JARID2: variants seen among roughly 807,000 people sequenced by gnomAD.
The protein encoded by JARID2 is protein Jumonji.
JARID2 carries 21 observed loss-of-function variants against 125.6 expected under a neutral mutation model. That is an observed-to-expected ratio of 0.17 (90% CI 0.12 to 0.24). JARID2 has a LOEUF of 0.24. Ranked by LOEUF, JARID2 falls within the 10% of genes least tolerant of loss-of-function variation. JARID2 has a pLI of 1.00. For missense variants in JARID2, 1,303 were observed against 1,639.6 expected (o/e 0.79, Z 3.55); for synonymous variants, 736 against 661.6 (o/e 1.11, Z -1.73).
intron 1 of JARID2, among the ~76,000 whole-genome samples, chr6:15,337,637 C>G (rs1240207590): frequency 1.3e-5 from 2 of 152,216 alleles, no homozygotes; most frequent in East Asian, 3.9e-4. Context: ...GGGGGGTCCA[C>G]TTGCACTAAG....
intron 1 of JARID2, among the ~76,000 whole-genome samples, chr6:15,256,515 T>C (rs899330801): frequency 6.6e-6 from 1 of 152,246 alleles, no homozygotes; most frequent in African/African-American, 2.4e-5. Flanking sequence ...AGTGGCTCTC[T>C]GGTCCTCAGG....
At chr6:15,375,688 G>A (rs13192347) in intron 2 of JARID2, among the ~76,000 whole-genome samples, 13,393 of 152,240 alleles carry the variant, frequency 0.088, 762 homozygotes, top group South Asian at 0.16. Flanking sequence ...CGTGTTTATT[G>A]TCATTGATTC....
chr6:15,295,222 C>T lies in JARID2; in HGVS notation c.45+48638C>T, dbSNP rs1037719567. Among the ~76,000 whole-genome samples the T allele has an allele frequency of 6.6e-5, 10 of 150,498 alleles. 1 individual carries two copies. The highest frequency in any genetic ancestry group is 4.2e-4 in the South Asian group (2 of 4,778). ...CTGCAAGCTCCGCTTCCTGGGTTCA[C>T]GCCATTCTCCTGCCTCAGCCTCCCA... On this transcript the variant is annotated intron_variant, in intron 1 of 17. Transcript: ENST00000341776.
At position 15,512,198 on chromosome 6, in the gene JARID2, G is replaced by A. The variant is rs1771313519; in HGVS notation, c.2953-10G>A. 2 of 1,611,888 alleles carry A rather than the reference G, an allele frequency of 1.2e-6. No homozygotes were observed. Among genetic ancestry groups the A allele is most frequent in the East Asian group, 4.5e-5 (2 of 44,832 alleles). ...GGGAGGGGTGCCTCAGCCTGGCCCT[G>A]TCTCCCCAGATCTCCCCGGAGGTGC... On this transcript the variant is annotated splice_polypyrimidine_tract_variant and intron_variant, in intron 13 of 17. Transcript: ENST00000341776.
At chr6:15,435,274 A>T (rs576046266) in intron 3 of JARID2, among the ~76,000 whole-genome samples, 2 of 152,334 alleles carry the variant, frequency 1.3e-5, no homozygotes, top group South Asian at 4.1e-4. Context: ...TTTGCTACAT[A>T]CCTTAGGGTA....
chr6:15,272,315 A>G (rs1321063998), intron 1 of JARID2, among the ~76,000 whole-genome samples: 5 of 152,178 alleles, frequency 3.3e-5, no homozygotes, highest in African/African-American at 4.8e-5. Context: ...TAGTGTTATC[A>G]TGTACTTCCC....
chr6:15,412,258 A>C (rs1765909532), intron 3 of JARID2, among the ~76,000 whole-genome samples: 1 of 152,004 alleles, frequency 6.6e-6, no homozygotes, highest in Non-Finnish European at 1.5e-5. Context: ...TTATAGGAGG[A>C]AGATTTTGTA....
intron 3 of JARID2, among the ~76,000 whole-genome samples, chr6:15,451,724 A>T (rs1210332167): frequency 1.3e-5 from 2 of 152,220 alleles, no homozygotes; most frequent in Non-Finnish European, 2.9e-5. Context: ...TCAGGCAAAC[A>T]TAGTGTGTAC....
intron 1 of JARID2, among the ~76,000 whole-genome samples, chr6:15,247,226 A>T (rs1450952546): frequency 3.3e-5 from 5 of 152,238 alleles, no homozygotes. Flanking sequence ...AAGGACACAC[A>T]CTATGGCTAA....
chr6:15,442,365 GATAATTT>G (rs1190243713), intron 3 of JARID2, among the ~76,000 whole-genome samples: 17 of 152,256 alleles, frequency 1.1e-4, no homozygotes, highest in Non-Finnish European at 2.4e-4. Context: ...AATGTACTTA[GATAATTT>G]GTTCACTCCT....
At chr6:15,338,573 TC>T (rs1268104968) in intron 1 of JARID2, among the ~76,000 whole-genome samples, 1 of 152,204 alleles carries the variant, frequency 6.6e-6, no homozygotes, top group African/African-American at 2.4e-5. Flanking sequence ...ATAGGATTGA[TC>T]CAGCCCTCCT....
chr6:15,389,171 T>C (rs908462167), intron 2 of JARID2, among the ~76,000 whole-genome samples: 2 of 152,224 alleles, frequency 1.3e-5, no homozygotes, highest in African/African-American at 2.4e-5. Context: ...AATCAATTTA[T>C]TTAACTGTTT....
chr6:15,366,511 GGGGGGGCGGGGGGGGT>G (rs1763981173), intron 1 of JARID2, among the ~76,000 whole-genome samples: 1 of 134,544 alleles, frequency 7.4e-6, no homozygotes, highest in Non-Finnish European at 1.6e-5. Context: ...GTGGGGGGCG[GGGGGGGCGGGGGGGGT>G]GGGGGGTGGG....
intron 2 of JARID2, among the ~76,000 whole-genome samples, chr6:15,380,936 A>G (rs1250495132): frequency 2.6e-5 from 4 of 152,014 alleles, no homozygotes; most frequent in African/African-American, 9.7e-5. Context: ...ACCTTCCTCT[A>G]CGAAGGGGAA....
chr6:15,344,641 C>A (rs1763188821), intron 1 of JARID2, among the ~76,000 whole-genome samples: 1 of 151,850 alleles, frequency 6.6e-6, no homozygotes, highest in Non-Finnish European at 1.5e-5. Context: ...ATGACTATTT[C>A]TTACCATGAG....
At chr6:15,283,136 G>A (rs576358599) in intron 1 of JARID2, among the ~76,000 whole-genome samples, 213 of 143,640 alleles carry the variant, frequency 1.5e-3, no homozygotes, top group African/African-American at 4.9e-3. Flanking sequence ...CCGCCACCAC[G>A]CCCGGCTAAT....
At chr6:15,364,491 G>A (rs1030850329) in intron 1 of JARID2, among the ~76,000 whole-genome samples, 2 of 152,222 alleles carry the variant, frequency 1.3e-5, no homozygotes, top group African/African-American at 4.8e-5. Context: ...GATGTTTCCT[G>A]CAAGAGGGGT....
chr6:15,508,397 G>A lies in JARID2; in HGVS notation c.2789G>A (p.Arg930Gln), dbSNP rs1771110857. 7 of 1,611,852 alleles carry A rather than the reference G, an allele frequency of 4.3e-6. No homozygotes were observed. Among genetic ancestry groups the A allele is most frequent in the South Asian group, 1.1e-5 (1 of 91,038 alleles). Residue 930 changes from arginine to glutamine, a missense_variant, in exon 12 of 18, where the codon CGA becomes CAA. Around this residue, in one of 11 missense-constraint regions of JARID2, gnomAD observed 27 missense variants for 108.7 expected, o/e 0.25. Coordinates refer to ENST00000341776, the MANE Select transcript of JARID2 (RefSeq NM_004973.4). The part of the protein sequence containing the change: ...GMVFSTSCWS[R>Q]DQNHLPYIDY... ...GTCTTTTCTACCTCATGCTGGTCTC[G>A]AGACCAAAATCACCTTCCATACATT...
intron 1 of JARID2, among the ~76,000 whole-genome samples, chr6:15,342,776 T>G (rs1763111236): frequency 6.6e-6 from 1 of 152,226 alleles, no homozygotes; most frequent in Non-Finnish European, 1.5e-5. Flanking sequence ...TTATTATGCA[T>G]CTTGACCTTT....
Sources: allele counts gnomAD v4.1 joint callset (sites outside exome capture counted in the v4.1 genomes callset), GRCh38; gene constraint gnomAD v4.1.1; regional missense constraint gnomAD v4.1.1; transcripts MANE v1.5; gene names NCBI Gene and HGNC (gene_info 2026-07-23, HGNC 2026-07-21).